Variants in LSAMP observed in about 807,000 individuals in gnomAD.
LSAMP encodes limbic system associated membrane protein.
In LSAMP, 7 loss-of-function variants were observed where a neutral mutation model predicts 38.6. The ratio of observed to expected loss-of-function variants is 0.18; its 90% CI spans 0.10 to 0.34. LSAMP has a LOEUF of 0.34. Among genes scored for constraint, LSAMP ranks in the 10% least tolerant of loss-of-function variants. The pLI, the probability that LSAMP is intolerant of heterozygous loss-of-function variation, is 1.00. For missense variants in LSAMP, 313 were observed against 420.0 expected, an observed-to-expected ratio of 0.75 and a Z score of 2.23; for synonymous variants, 154 against 166.8, an observed-to-expected ratio of 0.92 and a Z score of 0.59.
intron 1 of LSAMP, among the ~76,000 whole-genome samples, chr3:116,408,044 T>C (rs895733536): frequency 3.9e-5 from 6 of 152,078 alleles, no homozygotes; most frequent in Non-Finnish European, 7.4e-5. Context: ...CTTCTTATCA[T>C]AATACTTCCA....
chr3:116,102,785 A>ATCTATCTATCTATCTATCTGTCTGTCTG (rs562864883), intron 1 of LSAMP, among the ~76,000 whole-genome samples: 1 of 151,692 alleles, frequency 6.6e-6, no homozygotes, highest in African/African-American at 2.4e-5. Context: ...CTATCTATCT[A>ATCTATCTATCTATCTATCTGTCTGTCTG]TCTGTCTGTC....
intron 1 of LSAMP, among the ~76,000 whole-genome samples, chr3:116,396,930 T>C (rs913861543): frequency 2.0e-5 from 3 of 152,202 alleles, no homozygotes; most frequent in African/African-American, 7.2e-5. Context: ...ATTTCTATCA[T>C]CAAAACAAAT....
chr3:116,195,204 T>C (rs1710854575), intron 1 of LSAMP, among the ~76,000 whole-genome samples: 2 of 152,222 alleles, frequency 1.3e-5, no homozygotes, highest in Admixed American at 1.3e-4. Flanking sequence ...GTCTCTCCAG[T>C]TGATGCTAGT....
chr3:116,089,665 A>G (rs1329147463), intron 1 of LSAMP, among the ~76,000 whole-genome samples: 1 of 152,136 alleles, frequency 6.6e-6, no homozygotes, highest in Non-Finnish European at 1.5e-5. Flanking sequence ...CCTAGAATAC[A>G]CATACTTTTT....
intron 2 of LSAMP, among the ~76,000 whole-genome samples, chr3:116,023,178 C>CTA (rs957255527): frequency 0.026 from 3,675 of 143,370 alleles, 56 homozygotes; most frequent in Middle Eastern, 0.099. Context: ...CTCTCTCTCT[C>CTA]TATATATATA....
intron 3 of LSAMP, among the ~76,000 whole-genome samples, chr3:115,956,040 G>A (rs1268292631): frequency 6.6e-6 from 1 of 152,100 alleles, no homozygotes; most frequent in South Asian, 2.1e-4. Flanking sequence ...AGTTCAGAAT[G>A]TGACTCAGTT....
intron 3 of LSAMP, among the ~76,000 whole-genome samples, chr3:115,961,828 A>G (rs1938635915): frequency 1.3e-5 from 2 of 152,194 alleles, no homozygotes; most frequent in African/African-American, 4.8e-5. Flanking sequence ...GCTGACAACA[A>G]TAATCAGCAT....
chr3:115,949,649 A>C (rs906907571), intron 3 of LSAMP, among the ~76,000 whole-genome samples: 1 of 152,128 alleles, frequency 6.6e-6, no homozygotes, highest in African/African-American at 2.4e-5. Context: ...AATTTCTATC[A>C]GTCATTCAAA....
intron 1 of LSAMP, among the ~76,000 whole-genome samples, chr3:116,158,288 C>T (rs1709804056): frequency 6.6e-6 from 1 of 152,068 alleles, no homozygotes; most frequent in Admixed American, 6.6e-5. Flanking sequence ...CCTTTGAAAA[C>T]CAAAACAAGA....
intron 6 of LSAMP, among the ~76,000 whole-genome samples, chr3:115,828,286 G>T (rs1165464161): frequency 6.6e-6 from 1 of 152,144 alleles, no homozygotes; most frequent in East Asian, 1.9e-4. Flanking sequence ...CATTTGTCAG[G>T]GGCTGGTACT....
At chr3:116,358,492 A>C (rs1420208925) in intron 1 of LSAMP, among the ~76,000 whole-genome samples, 1 of 152,182 alleles carries the variant, frequency 6.6e-6, no homozygotes, top group Non-Finnish European at 1.5e-5. Context: ...ACCTAGAAGC[A>C]TAAACCCCTC....
At chr3:116,239,435 T>C (rs2046504347) in intron 1 of LSAMP, among the ~76,000 whole-genome samples, 1 of 152,102 alleles carries the variant, frequency 6.6e-6, no homozygotes, top group Non-Finnish European at 1.5e-5. Context: ...ATTTCAGCAA[T>C]AAAAAGATCT....
chr3:116,400,385 T>C (rs1164690721), intron 1 of LSAMP, among the ~76,000 whole-genome samples: 1 of 151,902 alleles, frequency 6.6e-6, no homozygotes, highest in East Asian at 1.9e-4. Context: ...TTTTTCTCTC[T>C]TTGTCTTTCT....
chr3:115,948,544 T>A (rs112488912), intron 3 of LSAMP, among the ~76,000 whole-genome samples: 23,237 of 152,126 alleles, frequency 0.15, 2,164 homozygotes, highest in Admixed American at 0.22. Context: ...AAGTCAACAA[T>A]GAAATCAAGA....
chr3:116,089,165 A>G (rs1708060724), intron 1 of LSAMP, among the ~76,000 whole-genome samples: 1 of 152,210 alleles, frequency 6.6e-6, no homozygotes, highest in African/African-American at 2.4e-5. Context: ...TAAAGAAGTA[A>G]TTGACCATTT....
At chr3:115,813,369 G>T (rs1933902058) in intron 6 of LSAMP, among the ~76,000 whole-genome samples, 1 of 151,998 alleles carries the variant, frequency 6.6e-6, no homozygotes, top group Non-Finnish European at 1.5e-5. Context: ...CTGGGAATAG[G>T]CTATACCATA....
chr3:116,100,836 G>GACT (rs953043954), intron 1 of LSAMP, among the ~76,000 whole-genome samples: 26 of 152,060 alleles, frequency 1.7e-4, no homozygotes, highest in African/African-American at 6.0e-4. Context: ...GCTTTATTCA[G>GACT]ACTTCAATCT....
intron 3 of LSAMP, among the ~76,000 whole-genome samples, chr3:115,933,338 G>A (rs752385547): frequency 6.6e-6 from 1 of 152,100 alleles, no homozygotes; most frequent in Non-Finnish European, 1.5e-5. Flanking sequence ...TCAGGTAAGT[G>A]GTAATAATAG....
intron 1 of LSAMP, among the ~76,000 whole-genome samples, chr3:116,190,857 G>T (rs1710738891): frequency 6.6e-6 from 1 of 151,994 alleles, no homozygotes; most frequent in Non-Finnish European, 1.5e-5. Context: ...AAGAACCACT[G>T]GTCTTCCTAG....
Sources: allele counts gnomAD v4.1 joint callset (sites outside exome capture counted in the v4.1 genomes callset), GRCh38; gene constraint gnomAD v4.1.1; transcripts MANE v1.5; gene names NCBI Gene and HGNC (gene_info 2026-07-23, HGNC 2026-07-21).